Variants in GALNT6 observed in about 807,000 individuals in gnomAD.
GALNT6 encodes polypeptide N-acetylgalactosaminyltransferase 6.
Under a neutral mutation model 65.9 loss-of-function variants are expected in GALNT6, and 51 were observed. The observed-to-expected ratio is 0.77, with a 90% CI of 0.62 to 0.98. GALNT6 has a LOEUF of 0.98. GALNT6 is among the 50% of genes least tolerant of loss of function. The pLI, the probability that GALNT6 is intolerant of heterozygous loss-of-function variation, is 0.00. For synonymous variants in GALNT6, 323 were observed against 315.1 expected, an observed-to-expected ratio of 1.02 and a Z score of -0.26; for missense variants, 708 against 803.3, an observed-to-expected ratio of 0.88 and a Z score of 1.43.
intron 3 of GALNT6, 58 bp downstream of exon 3, chr12:51,379,233 C>T (rs991555407): frequency 2.7e-6 from 4 of 1,495,944 alleles, no homozygotes; most frequent in South Asian, 1.4e-5. Context: ...CCTGGCCATA[C>T]TAGCCATGCC....
chr12:51,357,328 G>T, intron 10 of GALNT6, 21 bp downstream of exon 10: 1 of 1,487,668 alleles, frequency 6.7e-7, no homozygotes, highest in Non-Finnish European at 9.4e-7. Context: ...GAGATGCTCC[G>T]GAGATGGGTG....
intron 2 of GALNT6, among the ~76,000 whole-genome samples, chr12:51,380,609 G>A (rs1386899085): frequency 6.6e-6 from 1 of 152,202 alleles, no homozygotes; most frequent in Admixed American, 6.5e-5. Flanking sequence ...TGGCCAACAT[G>A]GTGAAACCCT....
intron 7 of GALNT6, chr12:51,360,295 C>T (rs4761874): frequency 0.27 from 40,641 of 153,354 alleles, 5,539 homozygotes; most frequent in African/African-American, 0.3. Context: ...GGCATGTGTC[C>T]TTTGAACTGG....
intron 4 of GALNT6, among the ~76,000 whole-genome samples, chr12:51,373,942 C>T (rs1166745773): frequency 1.3e-5 from 2 of 152,372 alleles, no homozygotes; most frequent in East Asian, 3.9e-4. Context: ...TCACTGCAGT[C>T]TCAGCCTGCT....
rs563798429 is a variant in GALNT6 at position 51,378,889 on chromosome 12, C to G, written c.491+402G>C. Among the ~76,000 whole-genome samples the G allele has an allele frequency of 4.2e-3, 609 of 146,216 alleles. 17 individuals are homozygous for G. The highest frequency in any genetic ancestry group is 4.5e-3 in the Non-Finnish European group (300 of 66,928). On this transcript the variant is annotated intron_variant, in intron 3 of 11. Coordinates refer to ENST00000356317, the MANE Select transcript of GALNT6 (RefSeq NM_007210.4). ...TGCTGTTAAGAAATGCCCACCCCCC[C>G]CCCAAACAGCTCAGCATTAGAGTCC...
At chr12:51,378,882 A>ACCCCCCCCCCC in intron 3 of GALNT6, among the ~76,000 whole-genome samples, 1 of 115,094 alleles carries the variant, frequency 8.7e-6, no homozygotes, top group Non-Finnish European at 1.7e-5. Flanking sequence ...AGAAATGCCC[A>ACCCCCCCCCCC]CCCCCCCCCC....
intron 8 of GALNT6, 33 bp downstream of exon 8, chr12:51,359,099 A>C (rs199635987): frequency 1.2e-4 from 182 of 1,565,942 alleles, no homozygotes; most frequent in Middle Eastern, 8.4e-4. Context: ...ACTTCTCTTC[A>C]TCTAAACCTC....
chr12:51,378,752 T>C (rs1947546490), intron 3 of GALNT6, among the ~76,000 whole-genome samples: 1 of 152,102 alleles, frequency 6.6e-6, no homozygotes, highest in Admixed American at 6.5e-5. Flanking sequence ...TGAGATCTCA[T>C]TGTGCAAGAT....
rs545033736 is a variant in GALNT6, at chr12:51,379,860, G to A, written c.-79C>T. ...CCCTGGAGATAGCTTGATACGTTGTGGTGGCCACAAGCTGGGGCCTCAGCC... is the reference window on the plus strand; with the variant it reads ...CCCTGGAGATAGCTTGATACGTTGTAGTGGCCACAAGCTGGGGCCTCAGCC... On this transcript the variant is annotated 5_prime_UTR_variant, in exon 3 of 12. Coordinates refer to ENST00000356317, the MANE Select transcript of GALNT6 (RefSeq NM_007210.4). 1.4e-6 allele frequency: 2 copies of A among 1,402,070 alleles called. No homozygotes were observed. The highest frequency in any genetic ancestry group is 2.9e-5 in the African/African-American group (2 of 69,754). 86.9% of individuals were successfully genotyped at this position (1,402,070 alleles called of 1,614,324 possible).
At chr12:51,373,319 TG>T (rs1203437977) in intron 4 of GALNT6, among the ~76,000 whole-genome samples, 2 of 152,160 alleles carry the variant, frequency 1.3e-5, no homozygotes, top group Non-Finnish European at 2.9e-5. Context: ...AGGGACCCAG[TG>T]GGAGATAATT....
At position 51,358,114 on chromosome 12, in the gene GALNT6, G is replaced by C. The variant is rs761398937; in HGVS notation, c.1500+16C>G. On this transcript the variant is annotated intron_variant, in intron 9 of 11. Transcript: ENST00000356317. ...TGCTGTGGTGATGGGCAGGCAGGTT[G>C]GTTCTCAAGACTTACGGCACCATAG... The C allele has an allele frequency of 5.0e-6, 8 of 1,609,370 alleles. No individual in the cohort carries two copies. The Admixed American group carries it at 1.3e-4, about 27-fold the overall frequency.
intron 7 of GALNT6, chr12:51,359,561 C>G (rs528389861): frequency 2.4e-6 from 1 of 425,110 alleles, no homozygotes; most frequent in East Asian, 3.5e-5. Context: ...CACAGGGAGA[C>G]TGCAGGGTCC....
intron 7 of GALNT6, 103 bp from the exon 8 acceptor site, chr12:51,359,435 A>G (rs1946851255): frequency 1.3e-6 from 1 of 765,032 alleles, no homozygotes; most frequent in African/African-American, 1.7e-5. Flanking sequence ...CCCAGGTCCA[A>G]GGACTTGGGC....
chr12:51,388,357 A>C (rs1947904788), intron 2 of GALNT6, among the ~76,000 whole-genome samples: 1 of 152,234 alleles, frequency 6.6e-6, no homozygotes, highest in South Asian at 2.1e-4. Flanking sequence ...ACTGTGGCAG[A>C]AACACAGAGG....
At chr12:51,356,346 A>G (rs1252569671) in intron 10 of GALNT6, among the ~76,000 whole-genome samples, 1 of 97,258 alleles carries the variant, frequency 1.0e-5, no homozygotes, top group Non-Finnish European at 2.1e-5. Flanking sequence ...CAACCAGTAT[A>G]TTTTCTCTTT....
chr12:51,366,870 G>A (rs1037852396), intron 4 of GALNT6, among the ~76,000 whole-genome samples: 2 of 152,200 alleles, frequency 1.3e-5, no homozygotes, highest in African/African-American at 4.8e-5. Flanking sequence ...GCTCACTCCT[G>A]TAATCCCAGC....
chr12:51,364,457 T>A, intron 5 of GALNT6, 102 bp from the exon 6 acceptor site: 1 of 767,144 alleles, frequency 1.3e-6, no homozygotes, highest in Non-Finnish European at 2.2e-6. Flanking sequence ...ACAGTCCACC[T>A]ACTCCTGGGT....
At chr12:51,371,700 G>A (rs1180308147) in intron 4 of GALNT6, among the ~76,000 whole-genome samples, 1 of 152,124 alleles carries the variant, frequency 6.6e-6, no homozygotes, top group Non-Finnish European at 1.5e-5. Context: ...CCCTGGTTCT[G>A]ACTCAGAGGT....
rs765024373 is a variant in GALNT6, at chr12:51,358,252, C to T, written c.1378G>A (p.Gly460Ser). ...AAKMAQEKSF[G>S]DISERLQLRE... is the part of the protein sequence containing the mutation. ...AGCTGCAGTCGTTCCGAAATGTCAC[C>T]GAAGGATTTCTGTCAATCAAGCCAG... Residue 460 changes from glycine (G) to serine (S), a missense_variant, in exon 9 of 12, where the codon GGT (glycine) becomes AGT (serine). Gly to Ser is a moderately conservative substitution (Grantham distance 56). Coordinates refer to ENST00000356317, the MANE Select transcript of GALNT6 (RefSeq NM_007210.4). 20 of 1,613,220 alleles carry T rather than the reference C, an allele frequency of 1.2e-5. No individual in the cohort carries two copies. The highest frequency in any genetic ancestry group is 1.7e-5 in the Admixed American group (1 of 59,940).
Sources: gnomAD v4.1 joint callset for allele counts (sites outside exome capture counted in the v4.1 genomes callset) on GRCh38, gnomAD v4.1.1 for gene constraint, MANE v1.5 for transcripts, NCBI Gene and HGNC (gene_info 2026-07-23, HGNC 2026-07-21) for gene names.